Variants in NUDT3 observed in about 807,000 individuals in gnomAD.
NUDT3 encodes the protein nudix hydrolase 3, also known as diphosphoinositol polyphosphate phosphohydrolase 1.
Under a neutral mutation model 23.6 loss-of-function variants are expected in NUDT3, and 9 were observed. That is an observed-to-expected ratio of 0.38 (90% CI 0.23 to 0.66). NUDT3 has a LOEUF of 0.66. Among genes scored for constraint, NUDT3 ranks in the 30% least tolerant of loss-of-function variants. The pLI is 0.52. For missense variants in NUDT3, 172 were observed against 218.5 expected, an observed-to-expected ratio of 0.79 and a Z score of 1.34; for synonymous variants, 86 against 82.6, an observed-to-expected ratio of 1.04 and a Z score of -0.22.
intron 2 of NUDT3, among the ~76,000 whole-genome samples, chr6:34,297,757 A>ATATATATAT (rs1181767736): frequency 1.5e-5 from 1 of 68,058 alleles, no homozygotes; most frequent in East Asian, 3.8e-4. Context: ...ATATATATAT[A>ATATATATAT]TAATTTTTTT....
intron 2 of NUDT3, among the ~76,000 whole-genome samples, chr6:34,309,257 G>A (rs1763731636): frequency 2.6e-5 from 4 of 152,054 alleles, no homozygotes; most frequent in Admixed American, 2.6e-4. Context: ...CTGAAAGATT[G>A]CTGGAAAATC....
At chr6:34,353,487 C>T (rs1239463293) in intron 1 of NUDT3, among the ~76,000 whole-genome samples, 22 of 151,030 alleles carry the variant, frequency 1.5e-4, no homozygotes, top group Admixed American at 1.4e-3. Flanking sequence ...CTACAACCTC[C>T]AACTCCGGGG....
intron 2 of NUDT3, among the ~76,000 whole-genome samples, chr6:34,322,881 A>C (rs1763967079): frequency 6.6e-6 from 1 of 152,252 alleles, no homozygotes; most frequent in African/African-American, 2.4e-5. Flanking sequence ...GACTGGATAA[A>C]GAAAGTGTAC....
chr6:34,392,218 G>A (rs1336603024), intron 1 of NUDT3, 46 bp downstream of exon 1: 21 of 1,482,804 alleles, frequency 1.4e-5, no homozygotes, highest in East Asian at 2.5e-5. Flanking sequence ...CCACCCGAAG[G>A]GGCCGGAGAC....
chr6:34,306,673 A>C (rs1422110225), intron 2 of NUDT3, among the ~76,000 whole-genome samples: 1 of 152,216 alleles, frequency 6.6e-6, no homozygotes, highest in East Asian at 1.9e-4. Flanking sequence ...ACCAGCTCAA[A>C]TACAGTACTA....
intron 2 of NUDT3, among the ~76,000 whole-genome samples, chr6:34,341,245 AG>A (rs1764283912): frequency 6.6e-6 from 1 of 152,062 alleles, no homozygotes; most frequent in South Asian, 2.1e-4. Flanking sequence ...AGTTTCCCCC[AG>A]GCTGTAAATT....
At position 34,392,336 on chromosome 6, in the gene NUDT3, G is replaced by C; in HGVS notation, c.27C>G (p.Thr9=). 2 of 1,605,910 alleles carry C rather than the reference G, an allele frequency of 1.2e-6. No individual in the cohort carries two copies. Among genetic ancestry groups the C allele is most frequent in the Non-Finnish European group, 1.7e-6 (2 of 1,177,352 alleles). Reference sequence around the variant, plus strand: ...TGTAGCCGTCGCCGTCGTAGGTGCGGGTCTGGTTCGACTTGAGCTTCATCA... The same window carrying C: ...TGTAGCCGTCGCCGTCGTAGGTGCGCGTCTGGTTCGACTTGAGCTTCATCA... The part of the protein sequence containing the change: MMKLKSNQ[T]RTYDGDGYKK... Residue 9 remains threonine, a synonymous_variant, in exon 1 of 5, where the codon ACC becomes ACG. Transcript: ENST00000607016.
intron 1 of NUDT3, among the ~76,000 whole-genome samples, chr6:34,343,857 A>G (rs774498684): frequency 4.6e-5 from 7 of 152,250 alleles, no homozygotes; most frequent in African/African-American, 1.4e-4. Context: ...ATACAGGTCC[A>G]GTATCTAAAA....
intron 1 of NUDT3, among the ~76,000 whole-genome samples, chr6:34,370,528 C>A (rs569318017): frequency 6.6e-6 from 1 of 152,130 alleles, no homozygotes; most frequent in South Asian, 2.1e-4. Context: ...GAGTATTTAG[C>A]GAAAAGAGGG....
rs956538291 is a variant in NUDT3 at position 34,284,855 on chromosome 6, A to G, written c.*3898T>C. The G allele has an allele frequency of 5.9e-5, 9 of 152,112 alleles. No individual in the cohort carries two copies. The highest frequency in any genetic ancestry group is 2.2e-4 in the African/African-American group (9 of 41,418). The allele number at this position is 152,112 out of a possible 1,614,324, so 9.4% of individuals were successfully genotyped here. On this transcript the variant is annotated 3_prime_UTR_variant, in exon 5 of 5. Transcript: ENST00000607016. ...CTGGCTCCTAATATCAAAACAAAAT[A>G]TTTCTTTGCCACAAAGGAACTTGAC...
Position 34,336,806 on chromosome 6 carries a change from C to T in NUDT3, c.210+5056G>A, listed in dbSNP as rs531651552. Among the ~76,000 whole-genome samples the T allele has an allele frequency of 9.9e-4, 150 of 152,132 alleles. 2 individuals are homozygous for T. Among genetic ancestry groups the T allele is most frequent in the Middle Eastern group, 3.4e-3 (1 of 294 alleles). ...AACGTATAAATGCAATCTGAAACAT[C>T]TGAAGGTTTTCAACTAATTGGTATA... On this transcript the variant is annotated intron_variant, in intron 2 of 4. Transcript: ENST00000607016.
At chr6:34,366,475 G>A (rs1012566745) in intron 1 of NUDT3, among the ~76,000 whole-genome samples, 1 of 71,706 alleles carries the variant, frequency 1.4e-5, no homozygotes, top group South Asian at 6.3e-4. Flanking sequence ...AGAGAGGGAA[G>A]GGAGGGAGGG....
intron 1 of NUDT3, among the ~76,000 whole-genome samples, chr6:34,353,548 C>T (rs137977720): frequency 2.0e-5 from 3 of 151,588 alleles, no homozygotes; most frequent in Non-Finnish European, 4.4e-5. Flanking sequence ...ATTAAAGGTG[C>T]GTGCCATCAC....
rs199558065 is a variant in NUDT3, at chr6:34,382,982, CTGGG to C, written c.99+9278_99+9281del. On this transcript the variant is annotated intron_variant, in intron 1 of 4. Coordinates refer to ENST00000607016, the MANE Select transcript of NUDT3 (RefSeq NM_006703.4). ...TCTCTACTAAAACTGCAAAAATTAGCTGGGTGCGGTGGCAGGCACCTGTAATCCC... is the reference window on the plus strand; with the variant it reads ...TCTCTACTAAAACTGCAAAAATTAGCTGCGGTGGCAGGCACCTGTAATCCC... Among the ~76,000 whole-genome samples, 625 of 151,874 alleles carry C rather than the reference CTGGG, an allele frequency of 4.1e-3. 6 individuals carry two copies. The highest frequency in any genetic ancestry group is 0.014 in the African/African-American group (593 of 41,454).
intron 2 of NUDT3, 27 bp downstream of exon 2, chr6:34,341,835 G>C (rs1439861594): frequency 6.2e-7 from 1 of 1,603,322 alleles, no homozygotes; most frequent in Non-Finnish European, 8.5e-7. Flanking sequence ...ACGAGGCACA[G>C]CTGTGCCCTC....
intron 2 of NUDT3, among the ~76,000 whole-genome samples, chr6:34,335,000 G>T (rs1424770546): frequency 1.3e-5 from 2 of 150,726 alleles, no homozygotes; most frequent in East Asian, 3.9e-4. Context: ...GAGAGAGAGA[G>T]GAAGGAAGGA....
intron 2 of NUDT3, among the ~76,000 whole-genome samples, chr6:34,307,610 C>T (rs1432204706): frequency 4.0e-5 from 6 of 151,874 alleles, no homozygotes; most frequent in Admixed American, 3.9e-4. Context: ...TGGTCAACTA[C>T]GTATATTATC....
chr6:34,379,434 C>T (rs762177241), intron 1 of NUDT3, among the ~76,000 whole-genome samples: 2 of 151,900 alleles, frequency 1.3e-5, no homozygotes, highest in Non-Finnish European at 2.9e-5. Context: ...TTAGCAGGTG[C>T]CTGTAATCCC....
chr6:34,332,746 A>AATAC (rs1319374437), intron 2 of NUDT3, among the ~76,000 whole-genome samples: 11 of 152,320 alleles, frequency 7.2e-5, no homozygotes, highest in African/African-American at 2.4e-4. Context: ...TCCTGAAACC[A>AATAC]ATACCAAGGA....
Sources: allele counts gnomAD v4.1 joint callset (sites outside exome capture counted in the v4.1 genomes callset), GRCh38; gene constraint gnomAD v4.1.1; transcripts MANE v1.5; gene names NCBI Gene and HGNC (gene_info 2026-07-23, HGNC 2026-07-21).